The following MORC1 variants were observed in gnomAD, a reference collection of about 807,000 sequenced individuals.
MORC1 encodes MORC family CW-type zinc finger 1, also known as MORC family CW-type zinc finger protein 1.
MORC1 carries 59 observed loss-of-function variants against 134.9 expected under a neutral mutation model. That is an observed-to-expected ratio of 0.44 (90% CI 0.35 to 0.54). The LOEUF is 0.54. Ranked by LOEUF, MORC1 falls within the 20% of genes least tolerant of loss-of-function variation. The probability of loss-of-function intolerance (pLI) is 0.00; values close to 1 mark genes in which losing one functional copy is unlikely to be tolerated. For synonymous variants in MORC1, 395 were observed against 391.7 expected, an observed-to-expected ratio of 1.01 and a Z score of -0.10; for missense variants, 947 against 1,134.5, an observed-to-expected ratio of 0.83 and a Z score of 2.37.
intron 6 of MORC1, among the ~76,000 whole-genome samples, chr3:109,098,995 A>AT: frequency 6.6e-6 from 1 of 152,168 alleles, no homozygotes; most frequent in Non-Finnish European, 1.5e-5. Context: ...ATTTCTTTAC[A>AT]TTTTGTATTC....
At chr3:108,999,790 T>G (rs1372611216) in intron 21 of MORC1, among the ~76,000 whole-genome samples, 2 of 152,180 alleles carry the variant, frequency 1.3e-5, no homozygotes, top group Non-Finnish European at 2.9e-5. Context: ...CTATAATGAG[T>G]AATAAAATTT....
intron 8 of MORC1, among the ~76,000 whole-genome samples, chr3:109,074,911 CTTATT>C (rs1950388089): frequency 6.6e-6 from 1 of 152,068 alleles, no homozygotes; most frequent in African/African-American, 2.4e-5. Context: ...ATGTTATAGC[CTTATT>C]TTATAGATGG....
Position 109,004,879 on chromosome 3 carries a change from T to A in MORC1, c.2023A>T (p.Ile675Phe). 6.2e-7 allele frequency: 1 copy of A among 1,613,056 alleles called. No homozygotes were observed. The highest frequency in any genetic ancestry group is 8.5e-7 in the Non-Finnish European group (1 of 1,179,760). ...KLAERSQRSQ[I>F]ANITTVWRAQ... ...CTCCAGACAGTGGTAATATTAGCAATCTGACTTCTCTTTCAAAACAGAGAA... is the reference window on the plus strand; with the variant it reads ...CTCCAGACAGTGGTAATATTAGCAAACTGACTTCTCTTTCAAAACAGAGAA... The change falls in exon 20 of 28, where the codon ATT becomes TTT. Residue 675 changes from isoleucine (I) to phenylalanine (F), a missense_variant. By Grantham distance (21) the Ile-to-Phe change is conservative. Around this residue, in one of 3 missense-constraint regions of MORC1, gnomAD observed 722 missense variants for 817.0 expected, o/e 0.88. Coordinates refer to ENST00000232603, the MANE Select transcript of MORC1 (RefSeq NM_014429.4).
At chr3:109,040,887 T>A (rs1403177732) in intron 14 of MORC1, among the ~76,000 whole-genome samples, 1 of 148,454 alleles carries the variant, frequency 6.7e-6, no homozygotes, top group African/African-American at 2.5e-5. Flanking sequence ...GAAAATGATG[T>A]ATGAACAAAA....
At chr3:109,046,425 C>T (rs1395449288) in intron 14 of MORC1, among the ~76,000 whole-genome samples, 1 of 152,126 alleles carries the variant, frequency 6.6e-6, no homozygotes, top group African/African-American at 2.4e-5. Context: ...ATTCCAGTTT[C>T]CCTCTAAAAT....
chr3:109,115,592 T>C (rs1202214471), intron 1 of MORC1, among the ~76,000 whole-genome samples: 2 of 152,244 alleles, frequency 1.3e-5, no homozygotes, highest in African/African-American at 2.4e-5. Context: ...CAAGCCCTTC[T>C]AGGAAATTTA....
At chr3:108,988,410 G>C (rs1040357024) in intron 21 of MORC1, among the ~76,000 whole-genome samples, 4 of 152,014 alleles carry the variant, frequency 2.6e-5, no homozygotes, top group Non-Finnish European at 4.4e-5. Context: ...TATTTTTAAA[G>C]ATTCATTTTG....
chr3:109,022,851 G>C lies in MORC1; in HGVS notation c.1704+4900C>G, dbSNP rs147094448. On this transcript the variant is annotated intron_variant, in intron 17 of 27. Transcript: ENST00000232603. ...ACTATTGGGAATGCAAAGATGAAGA[G>C]AAATAGTCCTTTATTTCAAAAAGCA... 1.8e-3 allele frequency among the ~76,000 whole-genome samples: 271 copies of C among 152,294 alleles called. 6 individuals carry two copies. The highest frequency in any genetic ancestry group is 6.3e-3 in the African/African-American group (260 of 41,560).
At chr3:109,063,838 G>A (rs189118088) in intron 9 of MORC1, among the ~76,000 whole-genome samples, 139 of 152,176 alleles carry the variant, frequency 9.1e-4, no homozygotes, top group African/African-American at 3.2e-3. Context: ...GGTGAGAAAA[G>A]CTCTACAGAA....
At chr3:108,978,431 G>A (rs1457348495) in intron 24 of MORC1, among the ~76,000 whole-genome samples, 1 of 152,096 alleles carries the variant, frequency 6.6e-6, no homozygotes, top group Non-Finnish European at 1.5e-5. Context: ...CCTCCCTCCT[G>A]GGGCAGGACT....
At chr3:109,096,901 A>G (rs1018916452) in intron 6 of MORC1, among the ~76,000 whole-genome samples, 1 of 152,212 alleles carries the variant, frequency 6.6e-6, no homozygotes, top group African/African-American at 2.4e-5. Context: ...TATAAAACTC[A>G]GAAAACAGGA....
chr3:108,971,604 T>C (rs1221503633), intron 24 of MORC1, among the ~76,000 whole-genome samples: 1 of 152,144 alleles, frequency 6.6e-6, no homozygotes, highest in Non-Finnish European at 1.5e-5. Context: ...TGGGTGTGGC[T>C]ATAAAAAGGC....
intron 21 of MORC1, among the ~76,000 whole-genome samples, chr3:108,989,419 G>A (rs1446728078): frequency 3.9e-5 from 6 of 152,156 alleles, no homozygotes; most frequent in African/African-American, 1.4e-4. Flanking sequence ...ACAATGAGCA[G>A]GATGGGATTT....
chr3:109,015,669 A>T (rs539617120), intron 17 of MORC1, among the ~76,000 whole-genome samples: 5 of 152,290 alleles, frequency 3.3e-5, no homozygotes, highest in Admixed American at 2.0e-4. Flanking sequence ...TATGCATAGA[A>T]ACTTCTTTTC....
intron 23 of MORC1, among the ~76,000 whole-genome samples, chr3:108,983,112 G>A (rs1947792842): frequency 6.6e-6 from 1 of 151,994 alleles, no homozygotes; most frequent in African/African-American, 2.4e-5. Context: ...ACACAAATGT[G>A]TTTTAGTTTT....
At chr3:109,084,910 T>TC (rs1357168965) in intron 8 of MORC1, among the ~76,000 whole-genome samples, 1 of 152,074 alleles carries the variant, frequency 6.6e-6, no homozygotes, top group Non-Finnish European at 1.5e-5. Context: ...GACAGTTTCC[T>TC]CAACAAACGG....
At chr3:108,964,564 CCT>C (rs913033110) in intron 26 of MORC1, among the ~76,000 whole-genome samples, 1 of 152,118 alleles carries the variant, frequency 6.6e-6, no homozygotes, top group African/African-American at 2.4e-5. Flanking sequence ...ACGAGTTTCC[CCT>C]TTTTCTACAA....
chr3:108,968,180 G>A (rs1040750692), intron 26 of MORC1, among the ~76,000 whole-genome samples: 13 of 152,148 alleles, frequency 8.5e-5, no homozygotes, highest in Admixed American at 2.6e-4. Context: ...TTCTTGTTAG[G>A]AAATGTTGAC....
At chr3:109,045,639 G>GC (rs1211579121) in intron 14 of MORC1, among the ~76,000 whole-genome samples, 1 of 152,196 alleles carries the variant, frequency 6.6e-6, no homozygotes, top group Non-Finnish European at 1.5e-5. Context: ...GTGAAAAAAA[G>GC]CAAGACAAGA....
Sources: gnomAD v4.1 joint callset for allele counts (sites outside exome capture counted in the v4.1 genomes callset) on GRCh38, gnomAD v4.1.1 for gene constraint, gnomAD v4.1.1 regional missense constraint, MANE v1.5 for transcripts, NCBI Gene and HGNC (gene_info 2026-07-23, HGNC 2026-07-21) for gene names.